FBXL17: variants seen among roughly 807,000 people sequenced by gnomAD.
FBXL17 encodes F-box and leucine rich repeat protein 17.
Under a neutral mutation model 66.2 loss-of-function variants are expected in FBXL17, and 22 were observed. That is an observed-to-expected ratio of 0.33 (90% CI 0.24 to 0.47). The LOEUF (loss-of-function observed/expected upper bound fraction) is 0.47. Among genes scored for constraint, FBXL17 ranks in the 20% least tolerant of loss-of-function variants. FBXL17 has a pLI of 1.00. For missense variants in FBXL17, 878 were observed against 948.2 expected (o/e 0.93, Z 0.97); for synonymous variants, 474 against 400.5 (o/e 1.18, Z -2.19).
intron 4 of FBXL17, among the ~76,000 whole-genome samples, chr5:108,280,604 G>GA (rs560063194): frequency 1.1e-3 from 165 of 146,544 alleles, no homozygotes; most frequent in Non-Finnish European, 2.0e-3. Flanking sequence ...AACAAATACA[G>GA]AAAAAAAAAC....
chr5:108,257,157 T>C (rs1025431743), intron 4 of FBXL17, among the ~76,000 whole-genome samples: 21 of 152,176 alleles, frequency 1.4e-4, no homozygotes, highest in African/African-American at 5.1e-4. Flanking sequence ...AAGTATTAAA[T>C]TATTTTAATG....
At chr5:108,158,152 T>C (rs1469358978) in intron 6 of FBXL17, among the ~76,000 whole-genome samples, 1 of 152,072 alleles carries the variant, frequency 6.6e-6, no homozygotes, top group Admixed American at 6.6e-5. Flanking sequence ...GACTCATCTA[T>C]AAAACTATTA....
chr5:107,863,602 T>G (rs1748193850), intron 8 of FBXL17, among the ~76,000 whole-genome samples: 1 of 141,838 alleles, frequency 7.1e-6, no homozygotes, highest in Admixed American at 7.3e-5. Context: ...GTACTAAGTT[T>G]ATGATTGCTT....
At chr5:108,250,228 G>A (rs1029763512) in intron 4 of FBXL17, among the ~76,000 whole-genome samples, 10 of 152,026 alleles carry the variant, frequency 6.6e-5, no homozygotes, top group Non-Finnish European at 1.3e-4. Context: ...TGTGAATGGG[G>A]CCAACGTCTC....
chr5:108,288,478 A>T (rs10060522), intron 4 of FBXL17, among the ~76,000 whole-genome samples: 2 of 152,030 alleles, frequency 1.3e-5, no homozygotes, highest in African/African-American at 4.8e-5. Flanking sequence ...CAATAAAATG[A>T]GGTATGCTTG....
intron 7 of FBXL17, among the ~76,000 whole-genome samples, chr5:107,968,405 C>T (rs1752237055): frequency 6.6e-6 from 1 of 152,024 alleles, no homozygotes; most frequent in Admixed American, 6.6e-5. Flanking sequence ...TATTCTAGTA[C>T]ACTGATCATG....
chr5:108,175,784 T>A (rs73778673), intron 6 of FBXL17, among the ~76,000 whole-genome samples: 8,922 of 152,268 alleles, frequency 0.059, 873 homozygotes, highest in African/African-American at 0.2. Context: ...TGGTTAAGCA[T>A]GTGTGTACCT....
chr5:108,082,403 A>G (rs1748805390), intron 6 of FBXL17, among the ~76,000 whole-genome samples: 2 of 152,184 alleles, frequency 1.3e-5, no homozygotes, highest in African/African-American at 2.4e-5. Context: ...AAATGAGTCA[A>G]TATTATCAAT....
intron 7 of FBXL17, among the ~76,000 whole-genome samples, chr5:107,942,156 A>C (rs549542908): frequency 6.2e-4 from 94 of 152,252 alleles, no homozygotes; most frequent in African/African-American, 2.2e-3. Context: ...ACATCTACTG[A>C]AGCCCCATGA....
chr5:108,265,362 T>C (rs1471020930), intron 4 of FBXL17, among the ~76,000 whole-genome samples: 1 of 152,268 alleles, frequency 6.6e-6, no homozygotes, highest in African/African-American at 2.4e-5. Flanking sequence ...ATTAATCATA[T>C]ACATTTTCAA....
intron 8 of FBXL17, among the ~76,000 whole-genome samples, chr5:107,873,433 A>G (rs1361060087): frequency 2.0e-5 from 3 of 152,240 alleles, no homozygotes; most frequent in Admixed American, 6.5e-5. Context: ...AATAAAATAT[A>G]TGATAAAAAT....
At chr5:108,180,338 C>A (rs1201093104) in intron 6 of FBXL17, among the ~76,000 whole-genome samples, 3 of 151,846 alleles carry the variant, frequency 2.0e-5, no homozygotes, top group African/African-American at 7.3e-5. Context: ...TGGTGAAACC[C>A]CGTCTCTACT....
At chr5:108,234,853 T>C (rs1755527232) in intron 4 of FBXL17, among the ~76,000 whole-genome samples, 1 of 152,188 alleles carries the variant, frequency 6.6e-6, no homozygotes, top group Admixed American at 6.5e-5. Context: ...GAAGCAGTTT[T>C]ATCTAGAAAG....
intron 8 of FBXL17, among the ~76,000 whole-genome samples, chr5:107,874,939 A>C (rs1748571068): frequency 6.6e-6 from 1 of 152,196 alleles, no homozygotes; most frequent in Non-Finnish European, 1.5e-5. Context: ...CAGATTTTAG[A>C]GCCCCAGCTG....
chr5:108,001,529 C>T (rs975046176), intron 7 of FBXL17, among the ~76,000 whole-genome samples: 29 of 151,422 alleles, frequency 1.9e-4, no homozygotes, highest in African/African-American at 6.6e-4. Flanking sequence ...GAGACAGAGT[C>T]GCACTCCATC....
intron 5 of FBXL17, among the ~76,000 whole-genome samples, chr5:108,223,802 TGA>T (rs1258007165): frequency 9.4e-6 from 1 of 106,596 alleles, no homozygotes; most frequent in African/African-American, 3.8e-5. Context: ...TAGTGATATA[TGA>T]GCACTTAAAA....
chr5:108,078,100 T>C (rs1347723631), intron 6 of FBXL17, among the ~76,000 whole-genome samples: 2 of 152,240 alleles, frequency 1.3e-5, no homozygotes, highest in Non-Finnish European at 2.9e-5. Context: ...CTTATGTTTC[T>C]ACAGAAATGC....
At chr5:108,007,656 T>C (rs1241255337) in intron 7 of FBXL17, among the ~76,000 whole-genome samples, 2 of 143,402 alleles carry the variant, frequency 1.4e-5, no homozygotes, top group African/African-American at 3.0e-5. Flanking sequence ...GAGTATACGG[T>C]ATGTAGGCTA....
At chr5:108,207,341 T>TA (rs1754165190) in intron 5 of FBXL17, among the ~76,000 whole-genome samples, 2 of 152,114 alleles carry the variant, frequency 1.3e-5, no homozygotes, top group African/African-American at 4.8e-5. Context: ...GTTTTTTTTT[T>TA]ATTATACTTT....
Sources: gnomAD v4.1 joint callset for allele counts (sites outside exome capture counted in the v4.1 genomes callset) on GRCh38, gnomAD v4.1.1 for gene constraint, MANE v1.5 for transcripts, NCBI Gene and HGNC (gene_info 2026-07-23, HGNC 2026-07-21) for gene names.